Variants in ATF6 observed in about 807,000 individuals in gnomAD.
ATF6 encodes cyclic AMP-dependent transcription factor ATF-6 alpha.
ATF6 carries 53 observed loss-of-function variants against 83.6 expected under a neutral mutation model. The observed-to-expected ratio is 0.63, with a 90% confidence interval of 0.51 to 0.80. The LOEUF (loss-of-function observed/expected upper bound fraction) is 0.80, where lower values mean the gene tolerates loss of function less well. Ranked by LOEUF, ATF6 falls within the 30% of genes least tolerant of loss-of-function variation. The pLI is 0.00. For missense variants in ATF6, 744 were observed against 797.9 expected, an observed-to-expected ratio of 0.93 and a Z score of 0.81; for synonymous variants, 288 against 285.8, an observed-to-expected ratio of 1.01 and a Z score of -0.08.
intron 1 of ATF6, among the ~76,000 whole-genome samples, chr1:161,775,841 T>C (rs1684502444): frequency 6.6e-6 from 1 of 152,160 alleles, no homozygotes; most frequent in Admixed American, 6.5e-5. Flanking sequence ...TACTGGGATG[T>C]CATTGCTTCT....
chr1:161,845,690 T>G (rs1053492015), intron 9 of ATF6, among the ~76,000 whole-genome samples: 2 of 151,194 alleles, frequency 1.3e-5, no homozygotes, highest in Non-Finnish European at 2.9e-5. Flanking sequence ...GTGGGAGGAT[T>G]GCTTGAGTCC....
chr1:161,788,544 T>G lies in ATF6; in HGVS notation c.355-2864T>G, dbSNP rs530368955. Among the ~76,000 whole-genome samples the G allele has an allele frequency of 4.6e-5, 7 of 152,226 alleles. No individual in the cohort carries two copies. The East Asian group carries it at 1.3e-3, about 29-fold the overall frequency. On this transcript the variant is annotated intron_variant, in intron 4 of 15. Transcript: ENST00000367942. ...CTTTGTAGTCTTTATTAAGTATAAA[T>G]AGTTAATTTTCAATTACTCAGGCTT... is the stretch of plus-strand genomic sequence containing the variant.
intron 9 of ATF6, among the ~76,000 whole-genome samples, chr1:161,843,115 C>T (rs1017138900): frequency 3.9e-5 from 6 of 152,190 alleles, no homozygotes; most frequent in Non-Finnish European, 7.3e-5. Context: ...TTGAAGGGTG[C>T]ACTCACGCAT....
chr1:161,936,995 T>C (rs1045786751), intron 15 of ATF6, among the ~76,000 whole-genome samples: 1 of 152,216 alleles, frequency 6.6e-6, no homozygotes, highest in African/African-American at 2.4e-5. Flanking sequence ...CAGCAAACTC[T>C]ACTTCACAAT....
At chr1:161,859,582 T>C (rs1350466023) in intron 12 of ATF6, among the ~76,000 whole-genome samples, 1 of 152,206 alleles carries the variant, frequency 6.6e-6, no homozygotes, top group Non-Finnish European at 1.5e-5. Context: ...TCTGATACCC[T>C]GACAAACCGC....
At chr1:161,938,559 C>T (rs1173536064) in intron 15 of ATF6, among the ~76,000 whole-genome samples, 2 of 152,174 alleles carry the variant, frequency 1.3e-5, no homozygotes, top group East Asian at 3.9e-4. Flanking sequence ...AAATGTAAGG[C>T]AGGCAAGAAG....
chr1:161,922,626 A>C (rs759332235), intron 15 of ATF6, among the ~76,000 whole-genome samples: 40 of 151,970 alleles, frequency 2.6e-4, no homozygotes, highest in Non-Finnish European at 4.6e-4. Flanking sequence ...AGGGGATAAC[A>C]GTTAAACCAA....
chr1:161,785,709 A>T (rs1036064621), intron 4 of ATF6, among the ~76,000 whole-genome samples: 1 of 152,122 alleles, frequency 6.6e-6, no homozygotes, highest in African/African-American at 2.4e-5. Context: ...ATATATTTCA[A>T]GAGGTGGGAT....
At chr1:161,830,011 AT>A (rs1177458441) in intron 9 of ATF6, among the ~76,000 whole-genome samples, 1 of 151,702 alleles carries the variant, frequency 6.6e-6, no homozygotes, top group Non-Finnish European at 1.5e-5. Context: ...AGGAAGTCAA[AT>A]TGTTTGCAGA....
intron 7 of ATF6, among the ~76,000 whole-genome samples, chr1:161,806,886 A>G (rs1685296342): frequency 6.6e-6 from 1 of 152,128 alleles, no homozygotes; most frequent in African/African-American, 2.4e-5. Flanking sequence ...TGTACAGTTA[A>G]TTTAGGGATT....
At chr1:161,796,562 A>G (rs972012394) in intron 6 of ATF6, among the ~76,000 whole-genome samples, 4 of 152,186 alleles carry the variant, frequency 2.6e-5, no homozygotes, top group African/African-American at 4.8e-5. Flanking sequence ...TTTATTTCAT[A>G]TATCTTTGTA....
intron 15 of ATF6, among the ~76,000 whole-genome samples, chr1:161,957,477 A>G (rs1373128350): frequency 6.6e-6 from 1 of 152,106 alleles, no homozygotes; most frequent in Non-Finnish European, 1.5e-5. Flanking sequence ...TTATTTTCTC[A>G]TCAGTTTTAT....
intron 12 of ATF6, among the ~76,000 whole-genome samples, chr1:161,856,490 C>T (rs1375357877): frequency 1.3e-5 from 2 of 152,214 alleles, no homozygotes; most frequent in African/African-American, 4.8e-5. Flanking sequence ...TGGACCCTCT[C>T]TCCCTTCTGC....
chr1:161,911,478 T>C (rs1210455027), intron 14 of ATF6, among the ~76,000 whole-genome samples: 7 of 152,244 alleles, frequency 4.6e-5, no homozygotes, highest in African/African-American at 1.7e-4. Context: ...ATTCTTACTT[T>C]TAGTACTTGT....
At chr1:161,803,355 G>A (rs189823569) in intron 7 of ATF6, among the ~76,000 whole-genome samples, 6 of 152,298 alleles carry the variant, frequency 3.9e-5, no homozygotes, top group Admixed American at 1.3e-4. Context: ...GAGTCCCATC[G>A]TTTGTATAGG....
At chr1:161,777,397 G>A (rs1684539796) in intron 1 of ATF6, among the ~76,000 whole-genome samples, 2 of 152,070 alleles carry the variant, frequency 1.3e-5, no homozygotes, top group Admixed American at 1.3e-4. Context: ...TACTGTAATT[G>A]GTCAGGTTAA....
chr1:161,844,039 T>G (rs1478589252), intron 9 of ATF6, among the ~76,000 whole-genome samples: 2 of 152,184 alleles, frequency 1.3e-5, no homozygotes, highest in African/African-American at 2.4e-5. Flanking sequence ...ACTTAGGGTT[T>G]TAATTACACT....
chr1:161,776,530 T>C (rs1302988475), intron 1 of ATF6, among the ~76,000 whole-genome samples: 1 of 152,016 alleles, frequency 6.6e-6, no homozygotes, highest in Non-Finnish European at 1.5e-5. Flanking sequence ...ATTACAGATA[T>C]ATATTTTGAG....
At chr1:161,782,124 C>T in intron 3 of ATF6, 125 bp downstream of exon 3, 3 of 613,668 alleles carry the variant, frequency 4.9e-6, no homozygotes, top group East Asian at 3.0e-5. Flanking sequence ...TGGTGTTATG[C>T]ATTCTACTTC....
Sources: allele counts gnomAD v4.1 joint callset (sites outside exome capture counted in the v4.1 genomes callset), GRCh38; gene constraint gnomAD v4.1.1; transcripts MANE v1.5; gene names NCBI Gene and HGNC (gene_info 2026-07-23, HGNC 2026-07-21).